UNC5D: variants seen among roughly 807,000 people sequenced by gnomAD.
UNC5D encodes unc-5 netrin receptor D, also known as netrin receptor UNC5D.
In UNC5D, 39 loss-of-function variants were observed where a neutral mutation model predicts 105.4. The ratio of observed to expected loss-of-function variants is 0.37; its 90% CI spans 0.29 to 0.48. The LOEUF (loss-of-function observed/expected upper bound fraction) is 0.48, where lower values mean the gene tolerates loss of function less well. UNC5D is among the 20% of genes least tolerant of loss of function. UNC5D has a pLI of 0.98. For synonymous variants in UNC5D, 452 were observed against 450.4 expected (o/e 1.00, Z -0.04); for missense variants, 991 against 1,202.4 (o/e 0.82, Z 2.60).
chr8:35,435,799 G>C (rs1188197886), intron 1 of UNC5D, among the ~76,000 whole-genome samples: 3 of 151,998 alleles, frequency 2.0e-5, no homozygotes, highest in African/African-American at 7.2e-5. Flanking sequence ...AGTGTTCAAA[G>C]TTTCCTCTAA....
chr8:35,359,547 T>C (rs908550274), intron 1 of UNC5D, among the ~76,000 whole-genome samples: 2 of 152,204 alleles, frequency 1.3e-5, no homozygotes, highest in African/African-American at 4.8e-5. Context: ...ATTAACTGAA[T>C]AGCCTGATTA....
At chr8:35,473,242 G>C (rs1809864020) in intron 1 of UNC5D, among the ~76,000 whole-genome samples, 1 of 152,148 alleles carries the variant, frequency 6.6e-6, no homozygotes, top group Admixed American at 6.5e-5. Context: ...CCAGAGGATG[G>C]GGAGGGGAGA....
intron 4 of UNC5D, among the ~76,000 whole-genome samples, chr8:35,639,138 A>G (rs990852347): frequency 3.9e-5 from 6 of 152,182 alleles, no homozygotes; most frequent in African/African-American, 7.2e-5. Context: ...AGAGAAATAA[A>G]TAGAAATCCA....
intron 1 of UNC5D, among the ~76,000 whole-genome samples, chr8:35,239,170 T>C (rs928916451): frequency 6.6e-6 from 1 of 152,066 alleles, no homozygotes; most frequent in South Asian, 2.1e-4. Context: ...TTGTCACCCT[T>C]TGCATACTTT....
At chr8:35,475,813 C>T (rs1458296533) in intron 1 of UNC5D, among the ~76,000 whole-genome samples, 2 of 152,158 alleles carry the variant, frequency 1.3e-5, no homozygotes, top group Non-Finnish European at 2.9e-5. Flanking sequence ...TTTTACTGTT[C>T]TGTGCATCTG....
chr8:35,742,179 G>A (rs1395659221), intron 11 of UNC5D, among the ~76,000 whole-genome samples: 1 of 151,694 alleles, frequency 6.6e-6, no homozygotes, highest in African/African-American at 2.4e-5. Flanking sequence ...TAGGAGATTC[G>A]ATGATGTCAT....
chr8:35,400,432 C>T (rs1036165779), intron 1 of UNC5D, among the ~76,000 whole-genome samples: 1 of 152,054 alleles, frequency 6.6e-6, no homozygotes, highest in Non-Finnish European at 1.5e-5. Context: ...CTCATTATCC[C>T]GGATTACGCT....
chr8:35,275,785 G>A (rs915401829), intron 1 of UNC5D, among the ~76,000 whole-genome samples: 4 of 152,130 alleles, frequency 2.6e-5, no homozygotes, highest in Non-Finnish European at 5.9e-5. Flanking sequence ...CCATTGATTT[G>A]CCTTTAACTT....
chr8:35,584,731 A>G (rs1456209957), intron 3 of UNC5D, among the ~76,000 whole-genome samples: 4 of 151,994 alleles, frequency 2.6e-5, no homozygotes, highest in African/African-American at 9.7e-5. Context: ...AATTACAAGC[A>G]AAAGACACCA....
chr8:35,502,430 C>T (rs147943746), intron 1 of UNC5D, among the ~76,000 whole-genome samples: 163 of 152,330 alleles, frequency 1.1e-3, no homozygotes, highest in African/African-American at 3.8e-3. Flanking sequence ...ACCATGGGAG[C>T]TCCCTGGACT....
At chr8:35,337,225 C>T (rs185343867) in intron 1 of UNC5D, among the ~76,000 whole-genome samples, 2 of 152,156 alleles carry the variant, frequency 1.3e-5, no homozygotes, top group African/African-American at 2.4e-5. Flanking sequence ...CCCCTCACCT[C>T]CTTCCCAATA....
intron 1 of UNC5D, among the ~76,000 whole-genome samples, chr8:35,291,703 C>T (rs189949901): frequency 5.3e-5 from 8 of 152,210 alleles, no homozygotes; most frequent in South Asian, 2.1e-4. Flanking sequence ...CTTCTGATAC[C>T]GCTTGATTCT....
rs1436469502 is a variant in UNC5D, at chr8:35,722,313, G to C, written c.1221G>C (p.Gln407His). Residue 407 changes from glutamine (Q) to histidine (H), a missense_variant, in exon 9 of 17, where the codon CAG becomes CAC. This residue lies in a region of UNC5D where 944 missense variants were observed against 1,131.6 expected (regional missense o/e 0.83). Transcript: ENST00000404895. ...VIGVTLYRRSQSDYGVDVIDS... is the reference protein window; with the variant it reads ...VIGVTLYRRSHSDYGVDVIDS... ...GTGTCACCCTTTACAGACGGAGCCA[G>C]AGTGACTATGGCGTGGACGTCATTG... The C allele has an allele frequency of 6.2e-7, 1 of 1,614,166 alleles. No individual in the cohort carries two copies. Among genetic ancestry groups the C allele is most frequent in the Admixed American group, 1.7e-5 (1 of 60,024 alleles).
At chr8:35,576,694 G>A (rs1020546396) in intron 3 of UNC5D, among the ~76,000 whole-genome samples, 6 of 152,068 alleles carry the variant, frequency 3.9e-5, no homozygotes, top group Admixed American at 2.6e-4. Context: ...CTCACTGCAA[G>A]CTCTACCTCC....
intron 3 of UNC5D, among the ~76,000 whole-genome samples, chr8:35,570,865 G>A (rs1483602724): frequency 6.6e-6 from 1 of 152,050 alleles, no homozygotes; most frequent in Admixed American, 6.6e-5. Flanking sequence ...GGCTGAGGTA[G>A]GAGAATCACT....
chr8:35,288,295 G>A (rs886539024), intron 1 of UNC5D, among the ~76,000 whole-genome samples: 2 of 151,990 alleles, frequency 1.3e-5, no homozygotes, highest in African/African-American at 4.8e-5. Flanking sequence ...AGAGTGGGAT[G>A]GTATACTCAG....
intron 1 of UNC5D, among the ~76,000 whole-genome samples, chr8:35,368,067 A>C (rs1802225979): frequency 6.6e-6 from 1 of 152,180 alleles, no homozygotes; most frequent in South Asian, 2.1e-4. Context: ...AAAACAGGTC[A>C]AATTATGTCC....
chr8:35,680,097 G>C (rs923160696), intron 4 of UNC5D, among the ~76,000 whole-genome samples: 1 of 152,122 alleles, frequency 6.6e-6, no homozygotes, highest in Non-Finnish European at 1.5e-5. Flanking sequence ...GAGTCCTCAT[G>C]ATCTGATCTC....
At chr8:35,726,588 A>T in intron 10 of UNC5D, 59 bp downstream of exon 10, 1 of 1,571,620 alleles carries the variant, frequency 6.4e-7, no homozygotes, top group South Asian at 1.2e-5. Context: ...ATTTTTACAC[A>T]GTTACTTCCC....
Sources: allele counts gnomAD v4.1 joint callset (sites outside exome capture counted in the v4.1 genomes callset), GRCh38; gene constraint gnomAD v4.1.1; regional missense constraint gnomAD v4.1.1; transcripts MANE v1.5; gene names NCBI Gene and HGNC (gene_info 2026-07-23, HGNC 2026-07-21).